FSIP2: variants seen among roughly 807,000 people sequenced by gnomAD.
FSIP2 encodes the protein fibrous sheath interacting protein 2, also known as fibrous sheath-interacting protein 2.
Under a neutral mutation model 510.5 loss-of-function variants are expected in FSIP2, and 367 were observed. That is an observed-to-expected ratio of 0.72 (90% CI 0.66 to 0.78). The LOEUF (loss-of-function observed/expected upper bound fraction) is 0.78, where lower values mean the gene tolerates loss of function less well. Among genes scored for constraint, FSIP2 ranks in the 30% least tolerant of loss-of-function variants. The pLI, the probability that FSIP2 is intolerant of heterozygous loss-of-function variation, is 0.00. For missense variants in FSIP2, 7,594 were observed against 7,901.7 expected (o/e 0.96, Z 1.48); for synonymous variants, 2,601 against 2,732.2 (o/e 0.95, Z 1.50).
Position 185,792,661 on chromosome 2 carries a change from T to A in FSIP2, c.5525T>A (p.Val1842Glu). The A allele has an allele frequency of 6.5e-7, 1 of 1,533,692 alleles. No homozygotes were observed. Among genetic ancestry groups the A allele is most frequent in the Non-Finnish European group, 8.7e-7 (1 of 1,145,148 alleles). The change falls in exon 16 of 23, where the codon GTA becomes GAA. Residue 1842 changes from valine (V) to glutamate (E), a missense_variant. Physicochemically the swap from Val to Glu is moderately radical, Grantham distance 121. Coordinates refer to ENST00000424728, the MANE Select transcript of FSIP2 (RefSeq NM_173651.4). ...PLLSEADITI[V>E]TDNIVRTVFH... ...CTTTCGGAAGCAGATATAACCATAG[T>A]AACAGATAATATTGTTAGGACTGTA...
In FSIP2 at chr2:185,806,716, C is replaced by G; in HGVS notation, c.17410C>G (p.Pro5804Ala). 1 of 1,607,924 alleles carries G rather than the reference C, an allele frequency of 6.2e-7. No individual in the cohort carries two copies. The highest frequency in any genetic ancestry group is 8.5e-7 in the Non-Finnish European group (1 of 1,177,418). ...MVKQLIFSSI[P>A]ETQIQDRCQN... ...TAAACAATTGATCTTTTCTTCTATA[C>G]CAGAAACACAAATACAAGATAGATG... Residue 5804 changes from proline (P) to alanine (A), a missense_variant, in exon 17 of 23, where the codon CCA becomes GCA. Pro to Ala is a conservative substitution (Grantham distance 27). Transcript: ENST00000424728.
rs1449943170 is a variant in FSIP2, at chr2:185,807,667, G to A, written c.18361G>A (p.Val6121Ile). ...CCTTTCAGAAAACATAGTTGACTTG[G>A]TTCTACGAGAAGTGGCTAGCAATCA... ...KILSENIVDLVLREVASNQLQ... is the reference protein window; with the variant it reads ...KILSENIVDLILREVASNQLQ... Residue 6121 changes from valine to isoleucine, a missense_variant, in exon 17 of 23, where the codon GTT becomes ATT. Val to Ile is a conservative substitution (Grantham distance 29). Coordinates refer to ENST00000424728, the MANE Select transcript of FSIP2 (RefSeq NM_173651.4). The A allele has an allele frequency of 1.2e-6, 2 of 1,612,826 alleles. No individual in the cohort carries two copies. Among genetic ancestry groups the A allele is most frequent in the South Asian group, 1.1e-5 (1 of 91,056 alleles).
chr2:185,771,814 A>G (rs1414951504), intron 13 of FSIP2, among the ~76,000 whole-genome samples: 1 of 152,180 alleles, frequency 6.6e-6, no homozygotes, highest in Non-Finnish European at 1.5e-5. Flanking sequence ...TCTATCACAA[A>G]GACAGCTTGT....
intron 17 of FSIP2, among the ~76,000 whole-genome samples, chr2:185,809,580 T>A (rs1693682175): frequency 6.6e-6 from 1 of 152,092 alleles, no homozygotes; most frequent in Non-Finnish European, 1.5e-5. Context: ...AATTTTCAAA[T>A]TTAAAGCACC....
intron 13 of FSIP2, among the ~76,000 whole-genome samples, chr2:185,774,199 A>G (rs1295672986): frequency 6.6e-6 from 1 of 152,192 alleles, no homozygotes; most frequent in Admixed American, 6.5e-5. Context: ...TGTACAACTT[A>G]ATATAGAGCT....
rs1693382669 is a variant in FSIP2, at chr2:185,799,787, C to G, written c.10481C>G (p.Ser3494Ter). ...QFLRNIYDDS[S>*]IYQCCEHLTE... ...CTAAGAAACATATACGATGATTCTTCAATTTATCAATGTTGTGAACATCTC... is the reference window on the plus strand; with the variant it reads ...CTAAGAAACATATACGATGATTCTTGAATTTATCAATGTTGTGAACATCTC... Residue 3494 changes from serine to a stop codon, truncating the protein, a stop_gained, in exon 17 of 23, where the codon TCA becomes TGA. Coordinates refer to ENST00000424728, the MANE Select transcript of FSIP2 (RefSeq NM_173651.4). LOFTEE classifies it high-confidence loss of function. The G allele has an allele frequency of 1.3e-6, 2 of 1,527,332 alleles. No individual in the cohort carries two copies. The highest frequency in any genetic ancestry group is 1.8e-6 in the Non-Finnish European group (2 of 1,142,012). The allele number at this position is 1,527,332 out of a possible 1,614,324, so 94.6% of individuals were successfully genotyped here. A position where few individuals can be genotyped will look rare whatever the true frequency, so the allele number is the denominator to read the frequency against.
At chr2:185,758,614 T>C (rs1245639758) in intron 9 of FSIP2, among the ~76,000 whole-genome samples, 1 of 151,158 alleles carries the variant, frequency 6.6e-6, no homozygotes, top group East Asian at 1.9e-4. Context: ...GTAACACCTC[T>C]GGCCAGTGGA....
Position 185,804,981 on chromosome 2 carries a change from T to A in FSIP2, c.15675T>A (p.Gly5225=). The part of the protein sequence containing the change: ...KGCSFLSKLA[G]FIMKEIMYHH... ...GCTCATTCCTCAGTAAATTAGCTGG[T>A]TTTATTATGAAAGAAATCATGTATC... The change falls in exon 17 of 23, where the codon GGT becomes GGA. Residue 5225 remains glycine (G), a synonymous_variant. Transcript: ENST00000424728. 6.4e-7 allele frequency: 1 copy of A among 1,554,294 alleles called. No homozygotes were observed. The highest frequency in any genetic ancestry group is 8.7e-7 in the Non-Finnish European group (1 of 1,155,260).
Position 185,797,160 on chromosome 2 carries a change from G to A in FSIP2, c.10024G>A (p.Gly3342Ser). The A allele has an allele frequency of 6.5e-7, 1 of 1,534,882 alleles. No homozygotes were observed. The highest frequency in any genetic ancestry group is 8.7e-7 in the Non-Finnish European group (1 of 1,146,216). ...NIVNTVLSSC[G>S]FPSQPHTNEN... ...TGTCAATACTGTGCTATCCAGCTGT[G>A]GCTTTCCAAGTCAACCACACACTAA... The change falls in exon 16 of 23, where the codon GGC (glycine) becomes AGC (serine). Residue 3342 changes from glycine (G) to serine (S), a missense_variant. By Grantham distance (56) the Gly-to-Ser change is moderately conservative. Coordinates refer to ENST00000424728, the MANE Select transcript of FSIP2 (RefSeq NM_173651.4).
At chr2:185,746,357 AAACCTAC>A (rs1692034022) in intron 5 of FSIP2, among the ~76,000 whole-genome samples, 1 of 151,964 alleles carries the variant, frequency 6.6e-6, no homozygotes, top group African/African-American at 2.4e-5. Flanking sequence ...TCATATTCTT[AAACCTAC>A]TGAGTTATGA....
intron 13 of FSIP2, among the ~76,000 whole-genome samples, chr2:185,779,896 G>A (rs986588156): frequency 6.7e-6 from 1 of 149,774 alleles, no homozygotes; most frequent in African/African-American, 2.4e-5. Flanking sequence ...ATGTCATTAT[G>A]TCCAAGGGTA....
intron 19 of FSIP2, among the ~76,000 whole-genome samples, chr2:185,818,268 G>A (rs540774080): frequency 6.6e-6 from 1 of 151,876 alleles, no homozygotes; most frequent in East Asian, 2.0e-4. Context: ...ATTTGAAGTT[G>A]CCAAGTCTAA....
At chr2:185,740,975 TA>T (rs1691911597) in intron 2 of FSIP2, among the ~76,000 whole-genome samples, 1 of 152,118 alleles carries the variant, frequency 6.6e-6, no homozygotes, top group African/African-American at 2.4e-5. Flanking sequence ...AATTGCTCTT[TA>T]AAAAAAACTA....
rs138135058 is a variant in FSIP2, at chr2:185,807,753, C to T, written c.18447C>T (p.Ile6149=). ...ATCAGTGTGTGGAAGTTGAAAACATCGTTGAAAAGATCCTTAAAGATGTTT... is the reference window on the plus strand; with the variant it reads ...ATCAGTGTGTGGAAGTTGAAAACATTGTTGAAAAGATCCTTAAAGATGTTT... ...TPHQCVEVEN[I]VEKILKDVFQ... is the part of the protein sequence containing the mutation. The change falls in exon 17 of 23, where the codon ATC becomes ATT. Residue 6149 remains isoleucine, a synonymous_variant. Transcript: ENST00000424728. 1,565 of 1,612,114 alleles carry T rather than the reference C, an allele frequency of 9.7e-4. 8 individuals carry two copies. The highest frequency in any genetic ancestry group is 9.6e-3 in the East Asian group (430 of 44,792).
chr2:185,762,638 A>G (rs765551176), intron 11 of FSIP2, among the ~76,000 whole-genome samples: 21 of 151,332 alleles, frequency 1.4e-4, no homozygotes, highest in Admixed American at 4.0e-4. Flanking sequence ...TGTATCTAAA[A>G]GTTCACATTT....
chr2:185,789,550 T>C lies in FSIP2; in HGVS notation c.2414T>C (p.Leu805Ser). 2 of 1,534,734 alleles carry C rather than the reference T, an allele frequency of 1.3e-6. No individual in the cohort carries two copies. Among genetic ancestry groups the C allele is most frequent in the Non-Finnish European group, 1.7e-6 (2 of 1,145,882 alleles). ...CTCACATCATCTAATGGAAAACCTT[T>C]GAAAAATTCAATGCCTCATACTTTG... ...ELLTSSNGKPLKNSMPHTLDP... is the reference protein window; with the variant it reads ...ELLTSSNGKPSKNSMPHTLDP... The change falls in exon 16 of 23, where the codon TTG becomes TCG. Residue 805 changes from leucine to serine, a missense_variant. Transcript: ENST00000424728.
intron 17 of FSIP2, among the ~76,000 whole-genome samples, chr2:185,812,974 G>C (rs994409543): frequency 1.1e-4 from 17 of 151,908 alleles, no homozygotes; most frequent in African/African-American, 2.2e-4. Context: ...CATTGACATT[G>C]GAAACTGAGA....
At position 185,807,601 on chromosome 2, in the gene FSIP2, C is replaced by A. The variant is rs1693616994; in HGVS notation, c.18295C>A (p.Gln6099Lys). The A allele has an allele frequency of 6.2e-7, 1 of 1,612,530 alleles. No individual in the cohort carries two copies. Among genetic ancestry groups the A allele is most frequent in the African/African-American group, 1.3e-5 (1 of 74,798 alleles). Residue 6099 changes from glutamine (Q) to lysine (K), a missense_variant, in exon 17 of 23, where the codon CAA becomes AAA. Transcript: ENST00000424728. The part of the protein sequence containing the change: ...YNNLLPQFGS[Q>K]EIIQNCVTSG... ...TAATCTCTTGCCACAGTTTGGATCA[C>A]AAGAGATTATACAAAATTGTGTAAC... is the stretch of plus-strand genomic sequence containing the variant.
chr2:185,788,343 CAA>C, intron 15 of FSIP2: 1 of 175,090 alleles, frequency 5.7e-6, no homozygotes, highest in Non-Finnish European at 1.2e-5. Context: ...ATATTTTTAA[CAA>C]AAAAAAAATC....
Sources: allele counts gnomAD v4.1 joint callset (sites outside exome capture counted in the v4.1 genomes callset), GRCh38; gene constraint gnomAD v4.1.1; transcripts MANE v1.5; gene names NCBI Gene and HGNC (gene_info 2026-07-23, HGNC 2026-07-21).